MAP6: variants seen among roughly 807,000 people sequenced by gnomAD.
The protein encoded by MAP6 is microtubule-associated protein 6.
A neutral mutation model predicts 42.4 loss-of-function variants in MAP6; 26 were observed. The observed-to-expected ratio is 0.61, with a 90% CI of 0.45 to 0.85. MAP6 has a LOEUF of 0.85. MAP6 is among the 40% of genes least tolerant of loss of function. The pLI, the probability that MAP6 is intolerant of heterozygous loss-of-function variation, is 0.00. For missense variants in MAP6, 966 were observed against 1,099.0 expected, an observed-to-expected ratio of 0.88 and a Z score of 1.71; for synonymous variants, 418 against 443.8, an observed-to-expected ratio of 0.94 and a Z score of 0.73.
At chr11:75,655,250 C>A (rs1215977867) in intron 1 of MAP6, among the ~76,000 whole-genome samples, 3 of 152,140 alleles carry the variant, frequency 2.0e-5, no homozygotes, top group African/African-American at 7.2e-5. Flanking sequence ...CAACCTAATT[C>A]CCTGCTTTTA....
chr11:75,659,991 T>C (rs79900703), intron 1 of MAP6, among the ~76,000 whole-genome samples: 1,577 of 152,266 alleles, frequency 0.01, 26 homozygotes, highest in African/African-American at 0.036. Flanking sequence ...TGAGAGTTAA[T>C]TGCACAAAGT....
chr11:75,612,484 G>A (rs1435981888), intron 1 of MAP6, among the ~76,000 whole-genome samples: 1 of 152,230 alleles, frequency 6.6e-6, no homozygotes, highest in African/African-American at 2.4e-5. Context: ...AAGGGTTATT[G>A]AAGGATGTCA....
intron 1 of MAP6, among the ~76,000 whole-genome samples, chr11:75,656,072 C>G (rs1943743887): frequency 6.6e-6 from 1 of 152,174 alleles, no homozygotes; most frequent in Non-Finnish European, 1.5e-5. Context: ...TTGCATTCTG[C>G]CTTGATCTAC....
intron 1 of MAP6, among the ~76,000 whole-genome samples, chr11:75,627,542 G>T (rs976722049): frequency 1.3e-5 from 2 of 152,218 alleles, no homozygotes; most frequent in African/African-American, 4.8e-5. Flanking sequence ...AAAAGGACCT[G>T]AAAACAAGGG....
rs753931298 is a variant in MAP6, at chr11:75,591,215, CTTAAT to C, written c.1317-3036_1317-3032del. Among the ~76,000 whole-genome samples the C allele has an allele frequency of 5.3e-4, 80 of 152,176 alleles. 1 individual carries two copies. The highest frequency in any genetic ancestry group is 1.3e-3 in the African/African-American group (55 of 41,494). The stretch of plus-strand genomic sequence containing the variant: ...AGCCAATGGTCACCATATTTTTAAT[CTTAAT>C]TTATTTAAAATTATTCATAATTTAA... On this transcript the variant is annotated intron_variant, in intron 3 of 3. Coordinates refer to ENST00000304771, the MANE Select transcript of MAP6 (RefSeq NM_033063.2).
intron 3 of MAP6, among the ~76,000 whole-genome samples, chr11:75,598,328 C>A (rs556817974): frequency 3.9e-5 from 6 of 152,212 alleles, no homozygotes; most frequent in Admixed American, 2.0e-4. Flanking sequence ...ATTAGACATG[C>A]CTGTGAAATG....
intron 1 of MAP6, among the ~76,000 whole-genome samples, chr11:75,634,505 G>C (rs1021235481): frequency 7.2e-5 from 11 of 152,182 alleles, no homozygotes; most frequent in African/African-American, 2.4e-4. Flanking sequence ...TTGACCTCAA[G>C]TGATCCACCC....
chr11:75,667,564 T>C lies in MAP6; in HGVS notation c.806A>G (p.Gln269Arg), dbSNP rs867268991. The C allele has an allele frequency of 1.4e-6, 2 of 1,473,528 alleles. No homozygotes were observed. The highest frequency in any genetic ancestry group is 4.8e-4 in the Middle Eastern group (2 of 4,188). 91.3% of individuals were successfully genotyped at this position (1,473,528 alleles called of 1,614,324 possible). A position where few individuals can be genotyped will look rare whatever the true frequency, so the allele number is the denominator to read the frequency against. Residue 269 changes from glutamine to arginine, a missense_variant, in exon 1 of 4, where the codon CAG becomes CGG. Around this residue, in one of 2 missense-constraint regions of MAP6, gnomAD observed 943 missense variants for 1,049.9 expected, o/e 0.90. Coordinates refer to ENST00000304771, the MANE Select transcript of MAP6 (RefSeq NM_033063.2). The surrounding 1 kb of genome is among the most constrained non-coding windows in gnomAD (Gnocchi z 5.6). Reference protein sequence around the residue: ...TPLPAAQAQVQATGPEAGRGR... With the variant: ...TPLPAAQAQVRATGPEAGRGR... Reference sequence around the variant, plus strand: ...CCTGCCAGCCTCGGGGCCGGTGGCCTGGACCTGGGCCTGGGCCGCGGGCAG... The same window carrying C: ...CCTGCCAGCCTCGGGGCCGGTGGCCCGGACCTGGGCCTGGGCCGCGGGCAG...
intron 1 of MAP6, among the ~76,000 whole-genome samples, chr11:75,634,054 G>C (rs1336286320): frequency 6.6e-6 from 1 of 152,184 alleles, no homozygotes; most frequent in African/African-American, 2.4e-5. Flanking sequence ...CGATAGTCCA[G>C]ATAAAAGATT....
chr11:75,641,151 G>GC (rs1943463156), intron 1 of MAP6, among the ~76,000 whole-genome samples: 1 of 152,144 alleles, frequency 6.6e-6, no homozygotes, highest in Non-Finnish European at 1.5e-5. Flanking sequence ...ACACTATGCA[G>GC]CCATAAAAAA....
At chr11:75,591,151 T>C (rs976290112) in intron 3 of MAP6, among the ~76,000 whole-genome samples, 3 of 152,046 alleles carry the variant, frequency 2.0e-5, no homozygotes, top group African/African-American at 7.2e-5. Context: ...GATATGACAG[T>C]TTTACACATT....
intron 2 of MAP6, among the ~76,000 whole-genome samples, chr11:75,606,494 G>C (rs1942778242): frequency 6.6e-6 from 1 of 152,204 alleles, no homozygotes; most frequent in African/African-American, 2.4e-5. Context: ...CCAAGACCCA[G>C]ATGGAGAGGC....
rs909581657 is a variant in MAP6, at chr11:75,598,490, C to A, written c.1316+7318G>T. Among the ~76,000 whole-genome samples the A allele has an allele frequency of 8.4e-4, 128 of 152,298 alleles. 1 individual carries two copies. The highest frequency in any genetic ancestry group is 8.4e-3 in the Admixed American group (128 of 15,300). Reference sequence around the variant, plus strand: ...TTAGAAAAAGTGGCTATCTAAAGTACAGAGGTATGCAGGCCTGAACAGAGG... The same window carrying A: ...TTAGAAAAAGTGGCTATCTAAAGTAAAGAGGTATGCAGGCCTGAACAGAGG... On this transcript the variant is annotated intron_variant, in intron 3 of 3. Transcript: ENST00000304771.
At chr11:75,606,992 G>A (rs141966988) in intron 2 of MAP6, among the ~76,000 whole-genome samples, 232 of 152,212 alleles carry the variant, frequency 1.5e-3, no homozygotes, top group African/African-American at 5.3e-3. Flanking sequence ...CTAACCCCAT[G>A]CCCCGGGTGC....
At chr11:75,607,606 T>C in intron 2 of MAP6, 5 of 985,004 alleles carry the variant, frequency 5.1e-6, no homozygotes, top group Non-Finnish European at 6.0e-6. Flanking sequence ...TCATAGTGGA[T>C]GGTGTTTAGC....
intron 1 of MAP6, among the ~76,000 whole-genome samples, chr11:75,626,047 C>G (rs1943188272): frequency 6.6e-6 from 1 of 152,178 alleles, no homozygotes; most frequent in African/African-American, 2.4e-5. Context: ...TGACCTCACA[C>G]GTATCACCTC....
At chr11:75,618,872 C>G (rs1435171905) in intron 1 of MAP6, among the ~76,000 whole-genome samples, 5 of 152,222 alleles carry the variant, frequency 3.3e-5, no homozygotes, top group Admixed American at 6.5e-5. Context: ...CCCAGAAGCA[C>G]AGCATATCCC....
At chr11:75,607,360 A>G in intron 2 of MAP6, 1 of 985,470 alleles carries the variant, frequency 1.0e-6, no homozygotes, top group Non-Finnish European at 1.2e-6. Context: ...GGATATTTGT[A>G]CAATTCCATG....
chr11:75,621,454 C>G (rs969434466), intron 1 of MAP6, among the ~76,000 whole-genome samples: 3 of 152,152 alleles, frequency 2.0e-5, no homozygotes, highest in African/African-American at 7.2e-5. Context: ...ATGCTTTCCC[C>G]CTAAGATCAG....
Sources: gnomAD v4.1 joint callset for allele counts (sites outside exome capture counted in the v4.1 genomes callset) on GRCh38, gnomAD v4.1.1 for gene constraint, gnomAD v4.1.1 regional missense constraint, Gnocchi (gnomAD v3.1) non-coding constraint, MANE v1.5 for transcripts, NCBI Gene and HGNC (gene_info 2026-07-23, HGNC 2026-07-21) for gene names.